Variants in PHF24 observed in about 807,000 individuals in gnomAD.
The protein encoded by PHF24 is Galpha inhibitory interacting protein.
PHF24 carries 25 observed loss-of-function variants against 42.6 expected under a neutral mutation model. The observed-to-expected ratio is 0.59, with a 90% CI of 0.43 to 0.82. The LOEUF is 0.82. PHF24 is among the 40% of genes least tolerant of loss of function. The pLI, the probability that PHF24 is intolerant of heterozygous loss-of-function variation, is 0.00. For synonymous variants in PHF24, 185 were observed against 204.8 expected (o/e 0.90, Z 0.83); for missense variants, 470 against 538.1 (o/e 0.87, Z 1.25).
the PHF24 span, chr9:34,729,427 T>A: frequency 6.5e-7 from 1 of 1,545,980 alleles, no homozygotes; most frequent in Non-Finnish European, 8.7e-7. Flanking sequence ...GGGCTCAACA[T>A]GGTCTAAACT....
At chr9:34,972,178 G>GT (rs1469906641) in intron 2 of PHF24, among the ~76,000 whole-genome samples, 168 bp from the exon 3 acceptor site, 35 of 152,212 alleles carry the variant, frequency 2.3e-4, no homozygotes, top group Admixed American at 2.3e-3. Context: ...GGACCTCCTG[G>GT]TTCTTGTCGT....
the PHF24 span, among the ~76,000 whole-genome samples, chr9:34,679,897 A>T: frequency 3.3e-5 from 5 of 152,120 alleles, no homozygotes; most frequent in Non-Finnish European, 5.9e-5. Flanking sequence ...TTATATTTTT[A>T]ATTTTTATTT....
the PHF24 span, among the ~76,000 whole-genome samples, chr9:34,899,315 A>G: frequency 6.6e-6 from 1 of 152,210 alleles, no homozygotes; most frequent in Non-Finnish European, 1.5e-5. Context: ...TGCTTTCATT[A>G]TAATGCTGCA....
At chr9:34,706,269 G>A in the PHF24 span, among the ~76,000 whole-genome samples, 2 of 152,140 alleles carry the variant, frequency 1.3e-5, no homozygotes, top group Admixed American at 1.3e-4. Context: ...TATATTTAGA[G>A]GATGCAGTGA....
the PHF24 span, among the ~76,000 whole-genome samples, chr9:34,821,484 T>A: frequency 7.2e-5 from 11 of 152,160 alleles, no homozygotes; most frequent in African/African-American, 2.4e-4. Context: ...TATAGGGGCT[T>A]GGAAAGCAGA....
the PHF24 span, among the ~76,000 whole-genome samples, chr9:34,836,550 A>T: frequency 0.018 from 2,697 of 152,338 alleles, 23 homozygotes; most frequent in African/African-American, 0.02. Flanking sequence ...GATGTACCCA[A>T]CATCTCCTGG....
At chr9:34,874,538 A>T in the PHF24 span, among the ~76,000 whole-genome samples, 1 of 152,096 alleles carries the variant, frequency 6.6e-6, no homozygotes, top group Non-Finnish European at 1.5e-5. Flanking sequence ...TTCCTGTTGG[A>T]TTGACTCTGT....
chr9:34,855,025 G>A, the PHF24 span, among the ~76,000 whole-genome samples: 1 of 152,200 alleles, frequency 6.6e-6, no homozygotes, highest in Non-Finnish European at 1.5e-5. Flanking sequence ...TTTACCATAT[G>A]TAATACCCTT....
At chr9:34,823,841 GTGA>G in the PHF24 span, among the ~76,000 whole-genome samples, 1 of 152,134 alleles carries the variant, frequency 6.6e-6, no homozygotes, top group Non-Finnish European at 1.5e-5. Context: ...AGCCCTACCT[GTGA>G]TGATGAATTC....
At chr9:34,719,331 G>A in the PHF24 span, among the ~76,000 whole-genome samples, 2 of 152,164 alleles carry the variant, frequency 1.3e-5, no homozygotes, top group Admixed American at 6.5e-5. Context: ...GAGCCACAGC[G>A]CCTGGCCTGA....
chr9:34,818,782 T>C, the PHF24 span, among the ~76,000 whole-genome samples: 1 of 152,210 alleles, frequency 6.6e-6, no homozygotes, highest in Non-Finnish European at 1.5e-5. Context: ...AGACCCCGTC[T>C]ATATAATTTT....
chr9:34,709,044 A>G, the PHF24 span: 2 of 339,090 alleles, frequency 5.9e-6, no homozygotes, highest in Non-Finnish European at 1.1e-5. Flanking sequence ...TCAGTTAGGT[A>G]TAAATCATAT....
chr9:34,918,191 C>A, the PHF24 span: 6 of 1,453,946 alleles, frequency 4.1e-6, no homozygotes, highest in Non-Finnish European at 4.8e-6. Context: ...ACTTTGAAGA[C>A]CATCACCCCT....
the PHF24 span, among the ~76,000 whole-genome samples, chr9:34,911,440 A>T: frequency 7.2e-5 from 11 of 152,044 alleles, no homozygotes; most frequent in Admixed American, 3.3e-4. Context: ...TTTTTAGTAG[A>T]GGCAGGGTTT....
the PHF24 span, among the ~76,000 whole-genome samples, chr9:34,744,640 C>G: frequency 2.6e-5 from 4 of 152,182 alleles, no homozygotes; most frequent in African/African-American, 9.7e-5. Context: ...TACTTTCATT[C>G]TGCAATGCTT....
chr9:34,908,544 G>A, the PHF24 span, among the ~76,000 whole-genome samples: 1 of 152,180 alleles, frequency 6.6e-6, no homozygotes, highest in Non-Finnish European at 1.5e-5. Context: ...TTAATAGGTG[G>A]CAAGGGGAGG....
upstream of PHF24, among the ~76,000 whole-genome samples, chr9:34,957,257 C>T (rs115177206): frequency 3.0e-3 from 460 of 151,840 alleles, no homozygotes; most frequent in African/African-American, 0.01. Context: ...AAATACTAGA[C>T]GCTCAAAAAA....
the PHF24 span, among the ~76,000 whole-genome samples, chr9:34,924,289 A>G: frequency 0.012 from 1,759 of 152,218 alleles, 11 homozygotes; most frequent in East Asian, 0.026. Flanking sequence ...ATTGGATGAA[A>G]TGTTCTGTAA....
At chr9:34,675,829 G>A in the PHF24 span, among the ~76,000 whole-genome samples, 3 of 152,094 alleles carry the variant, frequency 2.0e-5, no homozygotes, top group Admixed American at 2.0e-4. Flanking sequence ...GGTTGGAGAT[G>A]GGGAGCCCTG....
Sources: allele counts gnomAD v4.1 joint callset (sites outside exome capture counted in the v4.1 genomes callset), GRCh38; gene constraint gnomAD v4.1.1; transcripts MANE v1.5; gene names NCBI Gene and HGNC (gene_info 2026-07-23, HGNC 2026-07-21).